Variants in ZFP90 observed in about 807,000 individuals in gnomAD.
ZFP90 encodes the protein ZFP90 zinc finger protein.
Under a neutral mutation model 60.8 loss-of-function variants are expected in ZFP90, and 38 were observed. The observed-to-expected ratio is 0.62, with a 90% CI of 0.48 to 0.82. The LOEUF is 0.82. Ranked by LOEUF, ZFP90 falls within the 40% of genes least tolerant of loss-of-function variation. The pLI, the probability that ZFP90 is intolerant of heterozygous loss-of-function variation, is 0.00. For synonymous variants in ZFP90, 287 were observed against 264.8 expected (o/e 1.08, Z -0.82); for missense variants, 711 against 759.1 (o/e 0.94, Z 0.74).
Position 68,564,477 on chromosome 16 carries a change from C to T in ZFP90, c.1690C>T (p.Gln564Ter), listed in dbSNP as rs779101085. The change falls in exon 5 of 5, where the codon CAA becomes TAA. Residue 564 changes from glutamine (Q) to a stop codon, truncating the protein, a stop_gained. Coordinates refer to ENST00000563169, the MANE Select transcript of ZFP90 (RefSeq NM_001305203.2). LOFTEE classifies it high-confidence loss of function. Reference protein sequence around the residue: ...ECIDCGKAFSQSSSLIQHERT... With the variant: ...ECIDCGKAFS ...TATTGACTGTGGGAAAGCCTTTAGT[C>T]AAAGTTCATCTCTCATTCAGCATGA... The T allele has an allele frequency of 6.2e-7, 1 of 1,613,896 alleles. No homozygotes were observed. Among genetic ancestry groups the T allele is most frequent in the Admixed American group, 1.7e-5 (1 of 59,994 alleles).
Position 68,565,697 on chromosome 16 carries a change from G to A in ZFP90, c.*999G>A, listed in dbSNP as rs1294382746. 4 of 982,692 alleles carry A rather than the reference G, an allele frequency of 4.1e-6. No homozygotes were observed. Among genetic ancestry groups the A allele is most frequent in the African/African-American group, 3.6e-5 (2 of 56,186 alleles). 60.9% of individuals were successfully genotyped at this position (982,692 alleles called of 1,614,324 possible). On this transcript the variant is annotated 3_prime_UTR_variant, in exon 5 of 5. Coordinates refer to ENST00000563169, the MANE Select transcript of ZFP90 (RefSeq NM_001305203.2). The stretch of plus-strand genomic sequence containing the variant: ...CAATGGGAAAACAACAGAAAACTAA[G>A]AGGAGAATTTTCCCGTTAATTTTCT...
chr16:68,540,082 A>G (rs1362181849), intron 2 of ZFP90, among the ~76,000 whole-genome samples: 1 of 152,156 alleles, frequency 6.6e-6, no homozygotes, highest in African/African-American at 2.4e-5. Context: ...GGGAAGTGTC[A>G]GTTTTGAGAG....
intron 2 of ZFP90, among the ~76,000 whole-genome samples, chr16:68,575,214 G>A (rs1690400412): frequency 6.6e-6 from 1 of 152,256 alleles, no homozygotes; most frequent in Admixed American, 6.5e-5. Context: ...AGCCCACCAT[G>A]CTGTGCCTGG....
chr16:68,535,709 A>G (rs1047975811), upstream of ZFP90: 2 of 152,178 alleles, frequency 1.3e-5, no homozygotes, highest in African/African-American at 4.8e-5. Flanking sequence ...CATTTGGCAA[A>G]TGATTCCCAG....
chr16:68,548,524 CTT>C (rs1489619759), intron 2 of ZFP90, among the ~76,000 whole-genome samples: 2 of 88,310 alleles, frequency 2.3e-5, no homozygotes, highest in Admixed American at 3.5e-4. Flanking sequence ...GAGTTTCGCT[CTT>C]ATTGCCCAGG....
intron 2 of ZFP90, among the ~76,000 whole-genome samples, chr16:68,552,655 G>A (rs759243815): frequency 1.2e-4 from 18 of 152,194 alleles, no homozygotes; most frequent in Non-Finnish European, 2.4e-4. Context: ...TCTGAGGGGA[G>A]GAGAAGCCAG....
chr16:68,541,509 T>C (rs7186867), intron 2 of ZFP90, among the ~76,000 whole-genome samples: 116,353 of 151,812 alleles, frequency 0.77, 44,674 homozygotes, highest in East Asian at 0.82. Flanking sequence ...TTAGTAAAGA[T>C]GGGGTTTCAC....
chr16:68,549,389 A>C (rs2091213195), intron 2 of ZFP90, among the ~76,000 whole-genome samples: 1 of 152,124 alleles, frequency 6.6e-6, no homozygotes, highest in Non-Finnish European at 1.5e-5. Flanking sequence ...GAGTTTAAGA[A>C]ATTTTTGGCT....
At chr16:68,555,892 A>T (rs1427893349) in intron 2 of ZFP90, among the ~76,000 whole-genome samples, 1 of 152,226 alleles carries the variant, frequency 6.6e-6, no homozygotes, top group Non-Finnish European at 1.5e-5. Context: ...GTACAGAATA[A>T]GCTGAAGCCT....
chr16:68,562,117 G>A (rs1484091933), intron 4 of ZFP90: 1 of 152,118 alleles, frequency 6.6e-6, no homozygotes, highest in Non-Finnish European at 1.5e-5. Flanking sequence ...TACACTTTTA[G>A]TATGTATGTC....
At position 68,539,785 on chromosome 16, in the gene ZFP90, A is replaced by AG. The variant is rs775672014; in HGVS notation, c.-6dup. The AG allele has an allele frequency of 2.5e-6, 4 of 1,597,014 alleles. No individual in the cohort carries two copies. Among genetic ancestry groups the AG allele is most frequent in the Non-Finnish European group, 3.4e-6 (4 of 1,173,234 alleles). On this transcript the variant is annotated 5_prime_UTR_variant, in exon 2 of 5. Coordinates refer to ENST00000563169, the MANE Select transcript of ZFP90 (RefSeq NM_001305203.2). ...CCTGCCCCGGAGCCGGGCCCTGGCG[A>AG]GGCAGGAATGGCCCCGAGGCCTCCG...
chr16:68,572,875 G>A (rs939543673), intron 2 of ZFP90, among the ~76,000 whole-genome samples: 1 of 152,248 alleles, frequency 6.6e-6, no homozygotes, highest in Admixed American at 6.5e-5. Flanking sequence ...GGAGATTTCA[G>A]AAGGGAGGGG....
chr16:68,542,995 G>A (rs1404620957), intron 2 of ZFP90, among the ~76,000 whole-genome samples: 1 of 152,086 alleles, frequency 6.6e-6, no homozygotes, highest in Non-Finnish European at 1.5e-5. Context: ...TCTCAAGAGG[G>A]AAAAAAGGTA....
At chr16:68,541,273 A>G (rs2477623) in intron 2 of ZFP90, among the ~76,000 whole-genome samples, 116,256 of 151,724 alleles carry the variant, frequency 0.77, 44,616 homozygotes, top group East Asian at 0.82. Context: ...CCTGACGTCA[A>G]TTGATCCGCC....
intron 2 of ZFP90, among the ~76,000 whole-genome samples, chr16:68,544,955 C>T (rs2091121280): frequency 6.8e-6 from 1 of 146,882 alleles, no homozygotes; most frequent in Non-Finnish European, 1.5e-5. Flanking sequence ...TTTCGGCTCA[C>T]TACAACCTCC....
rs145781812 is a variant in ZFP90, at chr16:68,566,652, T to G, written c.*1954T>G. On this transcript the variant is annotated 3_prime_UTR_variant, in exon 5 of 5. Transcript: ENST00000563169. ...CACCTTGTTTATGGTGCACCATGAT[T>G]AGCTCACACACAATGCCAAGGCTGT... The G allele has an allele frequency of 2.0e-6, 2 of 985,576 alleles. No individual in the cohort carries two copies. The highest frequency in any genetic ancestry group is 1.1e-4 in the East Asian group (1 of 8,956). The allele number at this position is 985,576 out of a possible 1,614,324, so 61.1% of individuals were successfully genotyped here.
upstream of ZFP90, among the ~76,000 whole-genome samples, chr16:68,537,590 C>T (rs534454357): frequency 3.3e-5 from 5 of 152,196 alleles, no homozygotes; most frequent in African/African-American, 1.2e-4. Context: ...TTTTTTGAGA[C>T]AGTCTCGCTT....
Position 68,564,479 on chromosome 16 carries a change from A to G in ZFP90, c.1692A>G (p.Gln564=), listed in dbSNP as rs376052943. Residue 564 remains glutamine (Q), a synonymous_variant, in exon 5 of 5, where the codon CAA becomes CAG. Coordinates refer to ENST00000563169, the MANE Select transcript of ZFP90 (RefSeq NM_001305203.2). ...TTGACTGTGGGAAAGCCTTTAGTCA[A>G]AGTTCATCTCTCATTCAGCATGAGA... The part of the protein sequence containing the change: ...ECIDCGKAFS[Q]SSSLIQHERT... 178 of 1,613,962 alleles carry G rather than the reference A, an allele frequency of 1.1e-4. No individual in the cohort carries two copies. The highest frequency in any genetic ancestry group is 1.4e-4 in the Non-Finnish European group (168 of 1,179,968).
At chr16:68,551,782 A>T (rs961559040) in intron 2 of ZFP90, among the ~76,000 whole-genome samples, 2 of 148,606 alleles carry the variant, frequency 1.3e-5, no homozygotes, top group Non-Finnish European at 3.0e-5. Context: ...TTATTTAGGC[A>T]GAGTCTGGCT....
Sources: gnomAD v4.1 joint callset for allele counts (sites outside exome capture counted in the v4.1 genomes callset) on GRCh38, gnomAD v4.1.1 for gene constraint, MANE v1.5 for transcripts, NCBI Gene and HGNC (gene_info 2026-07-23, HGNC 2026-07-21) for gene names.